The following NID1 variants were observed in gnomAD, a reference collection of about 807,000 sequenced individuals.
NID1 encodes the protein nidogen 1.
Under a neutral mutation model 130.6 loss-of-function variants are expected in NID1, and 76 were observed. The observed-to-expected ratio is 0.58, with a 90% CI of 0.48 to 0.70. The LOEUF is 0.70. Ranked by LOEUF, NID1 falls within the 30% of genes least tolerant of loss-of-function variation. The probability of loss-of-function intolerance (pLI) is 0.00; values close to 1 mark genes in which losing one functional copy is unlikely to be tolerated. For missense variants in NID1, 1,517 were observed against 1,664.8 expected, an observed-to-expected ratio of 0.91 and a Z score of 1.54; for synonymous variants, 665 against 675.1, an observed-to-expected ratio of 0.98 and a Z score of 0.23.
In NID1 at chr1:236,006,018, C is replaced by T. The variant is rs1419507234; in HGVS notation, c.2527+5903G>A. ...GACAACTGTCAGGAACTAAGAGCTCCTGTCTCCTTGTCACTCACTTGCTTT... is the reference window on the plus strand; with the variant it reads ...GACAACTGTCAGGAACTAAGAGCTCTTGTCTCCTTGTCACTCACTTGCTTT... On this transcript the variant is annotated intron_variant, in intron 12 of 19. Transcript: ENST00000264187. Among the ~76,000 whole-genome samples the T allele has an allele frequency of 2.0e-5, 3 of 152,332 alleles. No homozygotes were observed. In the East Asian group the frequency reaches 5.8e-4, roughly 29 times the overall value.
Position 235,981,772 on chromosome 1 carries a change from A to G in NID1, c.3066T>C (p.Ser1022=), listed in dbSNP as rs200039515. 2 of 1,609,506 alleles carry G rather than the reference A, an allele frequency of 1.2e-6. No homozygotes were observed. The highest frequency in any genetic ancestry group is 2.7e-5 in the African/African-American group (2 of 74,840). The change falls in exon 16 of 20, where the codon AGT becomes AGC. Residue 1022 remains serine, a synonymous_variant. Coordinates refer to ENST00000264187, the MANE Select transcript of NID1 (RefSeq NM_002508.3). Reference sequence around the variant, plus strand: ...GGTGATCAACAGCGATACCTTCTGGACTTCCAAGATCTAGAAGTAAACACA... The same window carrying G: ...GGTGATCAACAGCGATACCTTCTGGGCTTCCAAGATCTAGAAGTAAACACA... The part of the protein sequence containing the change: ...PTTIIRQDLG[S]PEGIAVDHLG...
At position 236,052,003 on chromosome 1, in the gene NID1, T is replaced by C. The variant is rs981220469; in HGVS notation, c.226-3014A>G. 5.9e-5 allele frequency among the ~76,000 whole-genome samples: 9 copies of C among 152,230 alleles called. 1 individual carries two copies. The highest frequency in any genetic ancestry group is 5.9e-4 in the Admixed American group (9 of 15,270). Reference sequence around the variant, plus strand: ...CATATAACCCTCATTAGTATTTGCATTGGAAAATTATTTTTCAGCTAATTT... The same window carrying C: ...CATATAACCCTCATTAGTATTTGCACTGGAAAATTATTTTTCAGCTAATTT... On this transcript the variant is annotated intron_variant, in intron 1 of 19. Coordinates refer to ENST00000264187, the MANE Select transcript of NID1 (RefSeq NM_002508.3).
At chr1:236,057,220 C>G (rs1019603791) in intron 1 of NID1, among the ~76,000 whole-genome samples, 1 of 152,108 alleles carries the variant, frequency 6.6e-6, no homozygotes, top group Non-Finnish European at 1.5e-5. Context: ...GACTGTGCCA[C>G]TGCACTCCGG....
rs776307572 is a variant in NID1 at position 236,011,942 on chromosome 1, C to T, written c.2506G>A (p.Gly836Ser). The T allele has an allele frequency of 4.3e-6, 7 of 1,614,118 alleles. No individual in the cohort carries two copies. Among genetic ancestry groups the T allele is most frequent in the Non-Finnish European group, 5.9e-6 (7 of 1,180,030 alleles). Reference sequence around the variant, plus strand: ...TTACCTCCGGGCACGCAACGGAAGCCGTCTCCCTGATAACCAGGTTTGCAC... The same window carrying T: ...TTACCTCCGGGCACGCAACGGAAGCTGTCTCCCTGATAACCAGGTTTGCAC... The part of the protein sequence containing the change: ...CQCKPGYQGD[G>S]FRCVPGEVEK... The change falls in exon 12 of 20, where the codon GGC (glycine) becomes AGC (serine). Residue 836 changes from glycine to serine, a missense_variant. Around this residue, in one of 3 missense-constraint regions of NID1, gnomAD observed 1,329 missense variants for 1,429.2 expected, o/e 0.93. Transcript: ENST00000264187.
chr1:235,998,260 A>C (rs1657982380), intron 12 of NID1, among the ~76,000 whole-genome samples: 1 of 152,192 alleles, frequency 6.6e-6, no homozygotes, highest in African/African-American at 2.4e-5. Context: ...TGTTGAACCC[A>C]GCAAGACAAA....
chr1:236,038,789 A>G, intron 4 of NID1, among the ~76,000 whole-genome samples: 1 of 123,808 alleles, frequency 8.1e-6, no homozygotes, highest in South Asian at 2.9e-4. Flanking sequence ...CCTATGCTAT[A>G]TAGGTCATAT....
At chr1:236,008,923 C>T (rs1380375350) in intron 12 of NID1, among the ~76,000 whole-genome samples, 1 of 152,198 alleles carries the variant, frequency 6.6e-6, no homozygotes, top group Non-Finnish European at 1.5e-5. Context: ...ACCTTGGCCT[C>T]CCAAAATGCT....
intron 2 of NID1, among the ~76,000 whole-genome samples, chr1:236,046,322 G>C (rs1313802930): frequency 6.6e-6 from 1 of 152,194 alleles, no homozygotes; most frequent in East Asian, 1.9e-4. Flanking sequence ...GCTCATGCCT[G>C]TAATCCCAGC....
chr1:235,993,591 G>T (rs963688782), intron 13 of NID1, 54 bp downstream of exon 13: 2 of 1,402,392 alleles, frequency 1.4e-6, no homozygotes, highest in Non-Finnish European at 1.9e-6. Flanking sequence ...AGCAATTCCG[G>T]TCCCCCGAGG....
At chr1:235,983,917 TCTCA>T (rs2102793809) in intron 15 of NID1, among the ~76,000 whole-genome samples, 1 of 151,782 alleles carries the variant, frequency 6.6e-6, no homozygotes, top group East Asian at 1.9e-4. Flanking sequence ...TAACTGTCAC[TCTCA>T]CTCACTAGGG....
intron 1 of NID1, among the ~76,000 whole-genome samples, chr1:236,062,473 A>G (rs1660066354): frequency 6.6e-6 from 1 of 151,910 alleles, no homozygotes; most frequent in Admixed American, 6.6e-5. Flanking sequence ...CGCCTCTACT[A>G]AAAATACAAA....
At chr1:236,032,928 T>C (rs767551016) in intron 5 of NID1, among the ~76,000 whole-genome samples, 8 of 152,170 alleles carry the variant, frequency 5.3e-5, no homozygotes, top group Non-Finnish European at 1.0e-4. Flanking sequence ...ATTGAGGAAC[T>C]GCAGGAGTTA....
intron 13 of NID1, among the ~76,000 whole-genome samples, 166 bp from the exon 14 acceptor site, chr1:235,991,224 C>A (rs1363769791): frequency 6.6e-6 from 1 of 152,172 alleles, no homozygotes; most frequent in Non-Finnish European, 1.5e-5. Flanking sequence ...CCACACAATG[C>A]CCATTTTATA....
At chr1:236,028,950 G>T (rs759828879) in intron 7 of NID1, among the ~76,000 whole-genome samples, 10 of 152,140 alleles carry the variant, frequency 6.6e-5, no homozygotes, top group Admixed American at 1.3e-4. Flanking sequence ...GCTGAGCCAG[G>T]CAGATCACTT....
In NID1 at chr1:236,026,008, C is replaced by A; in HGVS notation, c.1872G>T (p.Arg624=). The A allele has an allele frequency of 6.2e-7, 1 of 1,613,148 alleles. No individual in the cohort carries two copies. Among genetic ancestry groups the A allele is most frequent in the Non-Finnish European group, 8.5e-7 (1 of 1,179,872 alleles). The part of the protein sequence containing the change: ...TFQECVHDDS[R]PALPSTQQLS... ...GCTGCTGGGTGCTGGGCAGGGCTGG[C>A]CGGGAGTCATCGTGGACGCATTCCT... The change falls in exon 8 of 20, where the codon CGG becomes CGT. Residue 624 remains arginine, a synonymous_variant. Transcript: ENST00000264187.
intron 19 of NID1, 75 bp downstream of exon 19, chr1:235,978,920 G>A (rs912358548): frequency 3.5e-5 from 34 of 980,934 alleles, no homozygotes; most frequent in Non-Finnish European, 5.2e-5. Flanking sequence ...TGGCCATACG[G>A]GTAGCAGCCA....
chr1:236,042,150 C>G lies in NID1; in HGVS notation c.895G>C (p.Ala299Pro). 6.2e-7 allele frequency: 1 copy of G among 1,614,070 alleles called. No homozygotes were observed. Among genetic ancestry groups the G allele is most frequent in the East Asian group, 2.2e-5 (1 of 44,880 alleles). The change falls in exon 4 of 20, where the codon GCG becomes CCG. Residue 299 changes from alanine (A) to proline (P), a missense_variant. Physicochemically the swap from Ala to Pro is conservative, Grantham distance 27. Around this residue, in one of 3 missense-constraint regions of NID1, gnomAD observed 1,329 missense variants for 1,429.2 expected, o/e 0.93. Coordinates refer to ENST00000264187, the MANE Select transcript of NID1 (RefSeq NM_002508.3). Reference protein sequence around the residue: ...YDDEDEDYDLATTRLGLEDVG... With the variant: ...YDDEDEDYDLPTTRLGLEDVG... The stretch of plus-strand genomic sequence containing the variant: ...TCCTCCAGGCCCAGACGAGTGGTCG[C>G]CAGGTCATAATCTTCATCCTCATCA...
At chr1:236,038,008 C>T (rs529465950) in intron 5 of NID1, 96 bp downstream of exon 5, 12 of 1,412,594 alleles carry the variant, frequency 8.5e-6, no homozygotes, top group Middle Eastern at 1.8e-4. Context: ...TACACACCTA[C>T]GGAGATGTGG....
At chr1:236,038,052 A>G in intron 5 of NID1, 52 bp downstream of exon 5, 1 of 1,551,180 alleles carries the variant, frequency 6.4e-7, no homozygotes, top group Non-Finnish European at 8.7e-7. Context: ...ACCAAAACAA[A>G]AACTCCGCTC....
Sources: gnomAD v4.1 joint callset for allele counts (sites outside exome capture counted in the v4.1 genomes callset) on GRCh38, gnomAD v4.1.1 for gene constraint, gnomAD v4.1.1 regional missense constraint, MANE v1.5 for transcripts, NCBI Gene and HGNC (gene_info 2026-07-23, HGNC 2026-07-21) for gene names.